Variants in BIN1 observed in about 807,000 individuals in gnomAD.
BIN1 encodes the protein myc box-dependent-interacting protein 1.
BIN1 carries 53 observed loss-of-function variants against 82.0 expected under a neutral mutation model. The ratio of observed to expected loss-of-function variants is 0.65; its 90% CI spans 0.52 to 0.81. The LOEUF (loss-of-function observed/expected upper bound fraction) is 0.81, where lower values mean the gene tolerates loss of function less well. BIN1 is among the 40% of genes least tolerant of loss of function. BIN1 has a pLI of 0.00. For synonymous variants in BIN1, 302 were observed against 328.0 expected (o/e 0.92, Z 0.86); for missense variants, 642 against 784.4 (o/e 0.82, Z 2.17).
intron 2 of BIN1, among the ~76,000 whole-genome samples, chr2:127,075,583 G>A (rs1436623506): frequency 1.3e-5 from 2 of 152,098 alleles, no homozygotes; most frequent in Non-Finnish European, 2.9e-5. Flanking sequence ...CCCTGTCCAG[G>A]GAAGCCTGTC....
intron 12 of BIN1, chr2:127,054,447 C>G (rs1438998738): frequency 8.3e-6 from 2 of 242,394 alleles, no homozygotes; most frequent in Non-Finnish European, 1.6e-5. Flanking sequence ...TGCTACCCCC[C>G]AGTGGCGAGA....
chr2:127,085,592 G>C (rs1183039266), intron 1 of BIN1, among the ~76,000 whole-genome samples: 1 of 152,146 alleles, frequency 6.6e-6, no homozygotes, highest in Non-Finnish European at 1.5e-5. Flanking sequence ...GGGAGGCCCG[G>C]GGAGAGCCCA....
Position 127,057,563 on chromosome 2 carries a change from G to T in BIN1, c.1041C>A (p.His347Gln). 6.5e-7 allele frequency: 1 copy of T among 1,542,526 alleles called. No homozygotes were observed. Residue 347 changes from histidine (H) to glutamine (Q), a missense_variant, in exon 12 of 19, where the codon CAC becomes CAA. Physicochemically the swap from His to Gln is conservative, Grantham distance 24. Transcript: ENST00000316724. The surrounding 1 kb of genome is among the most constrained non-coding windows in gnomAD (Gnocchi z 5.0). ...KGPPVPPPPK[H>Q]TPSKEVKQEQ... is the part of the protein sequence containing the mutation. Reference sequence around the variant, plus strand: ...CCTGCTTGACTTCCTTGGACGGGGTGTGTTTGGGAGGCGGAGGGACTGGTG... The same window carrying T: ...CCTGCTTGACTTCCTTGGACGGGGTTTGTTTGGGAGGCGGAGGGACTGGTG...
chr2:127,051,143 T>C lies in BIN1; in HGVS notation c.1461+11A>G. On this transcript the variant is annotated intron_variant, in intron 16 of 18. Transcript: ENST00000316724. ...GGAGGAAAAGGCAGGGCTTTGTCCC[T>C]GCTGTCTTACGGAGGCTGCTTCACT... is the stretch of plus-strand genomic sequence containing the variant. 1 of 1,613,372 alleles carries C rather than the reference T, an allele frequency of 6.2e-7. No homozygotes were observed. Among genetic ancestry groups the C allele is most frequent in the Non-Finnish European group, 8.5e-7 (1 of 1,179,868 alleles).
At chr2:127,075,719 CG>C in intron 2 of BIN1, among the ~76,000 whole-genome samples, 1 of 145,484 alleles carries the variant, frequency 6.9e-6, no homozygotes, top group African/African-American at 2.6e-5. Context: ...GAATGCTCCC[CG>C]GCCCTCTCCC....
rs562898758 is a variant in BIN1, at chr2:127,097,885, C to G, written c.84+8975G>C. On this transcript the variant is annotated intron_variant, in intron 1 of 18. Transcript: ENST00000316724. ...TGACAAGCACTGTTCCCGCTGCCATCCAAGCATCTCTCCCCACACTACCAC... is the reference window on the plus strand; with the variant it reads ...TGACAAGCACTGTTCCCGCTGCCATGCAAGCATCTCTCCCCACACTACCAC... 5.9e-5 allele frequency among the ~76,000 whole-genome samples: 9 copies of G among 152,342 alleles called. No homozygotes were observed. The South Asian group carries it at 1.5e-3, about 25-fold the overall frequency.
chr2:127,107,101 G>T lies in BIN1; in HGVS notation c.-158C>A. 2.6e-6 allele frequency: 2 copies of T among 766,760 alleles called. No homozygotes were observed. Among genetic ancestry groups the T allele is most frequent in the South Asian group, 7.4e-5 (2 of 27,172 alleles). The allele number at this position is 766,760 out of a possible 1,614,324, so 47.5% of individuals were successfully genotyped here. A position where few individuals can be genotyped will look rare whatever the true frequency, so the allele number is the denominator to read the frequency against. ...GCCAACTGACGGAGGCGGAGCGTGC[G>T]CCGGACGGGCGAGCGAGCCAGCGAG... On this transcript the variant is annotated 5_prime_UTR_variant, in exon 1 of 19. Coordinates refer to ENST00000316724, the MANE Select transcript of BIN1 (RefSeq NM_139343.3). The surrounding 1 kb of genome is among the most constrained non-coding windows in gnomAD (Gnocchi z 5.9).
At chr2:127,106,261 G>C (rs1338404005) in intron 1 of BIN1, among the ~76,000 whole-genome samples, 2 of 152,208 alleles carry the variant, frequency 1.3e-5, no homozygotes, top group Non-Finnish European at 2.9e-5. Context: ...CGGGCTGGGC[G>C]GGAGCTTCCA....
intron 2 of BIN1, among the ~76,000 whole-genome samples, chr2:127,072,643 A>C (rs17014873): frequency 0.11 from 16,801 of 151,746 alleles, 1,505 homozygotes; most frequent in African/African-American, 0.24. Context: ...AATCTCTAAA[A>C]TTCCTTTAAT....
chr2:127,069,078 T>C, intron 5 of BIN1, 47 bp from the exon 6 acceptor site: 1 of 1,568,168 alleles, frequency 6.4e-7, no homozygotes, highest in Non-Finnish European at 8.8e-7. Context: ...GCACCCCTGC[T>C]GAGACTCCAG....
At chr2:127,091,274 G>C (rs1678889620) in intron 1 of BIN1, among the ~76,000 whole-genome samples, 1 of 151,978 alleles carries the variant, frequency 6.6e-6, no homozygotes, top group Non-Finnish European at 1.5e-5. Flanking sequence ...CCCAGCCCCG[G>C]GGCATTCTCA....
intron 14 of BIN1, 113 bp downstream of exon 14, chr2:127,053,308 TG>T (rs549145076): frequency 7.5e-5 from 108 of 1,446,478 alleles, no homozygotes; most frequent in Non-Finnish European, 9.9e-5. Flanking sequence ...GTCCTGCGTG[TG>T]GGGGGTGTGT....
At chr2:127,092,654 C>T (rs1679082721) in intron 1 of BIN1, among the ~76,000 whole-genome samples, 1 of 152,210 alleles carries the variant, frequency 6.6e-6, no homozygotes, top group South Asian at 2.1e-4. Context: ...AAGTCACCAG[C>T]CTTCCAGAGG....
rs1478204900 is a variant in BIN1 at position 127,097,317 on chromosome 2, TCCCTCCAGGCCCAGGAGCGTCAC to T, written c.84+9520_84+9542del. On this transcript the variant is annotated intron_variant, in intron 1 of 18. Transcript: ENST00000316724. ...CAGCCCTCCAGGCCCAGCAGTGTCA[TCCCTCCAGGCCCAGGAGCGTCAC>T]CCCTCCAGGCCCAGCAGCGTCACTC... Among the ~76,000 whole-genome samples, 792 of 141,768 alleles carry T rather than the reference TCCCTCCAGGCCCAGGAGCGTCAC, an allele frequency of 5.6e-3. 2 individuals are homozygous for T. The highest frequency in any genetic ancestry group is 8.7e-3 in the Non-Finnish European group (560 of 64,216). The allele number at this position is 141,768 out of a possible 152,430, so 93.0% of individuals were successfully genotyped here.
Position 127,076,183 on chromosome 2 carries a change from A to G in BIN1, c.165+443T>C, listed in dbSNP as rs571757199. ...GATGCCTCCCCACAGCCCAGCCTTG[A>G]GCCTGCCACACAGCCAGGCACACAC... On this transcript the variant is annotated intron_variant, in intron 2 of 18. Coordinates refer to ENST00000316724, the MANE Select transcript of BIN1 (RefSeq NM_139343.3). 6.6e-5 allele frequency among the ~76,000 whole-genome samples: 10 copies of G among 152,218 alleles called. No individual in the cohort carries two copies. The East Asian group carries it at 1.9e-3, about 29-fold the overall frequency.
intron 7 of BIN1, among the ~76,000 whole-genome samples, chr2:127,066,042 GCTCAGAACTAGC>G (rs530826833): frequency 1.8e-3 from 277 of 152,306 alleles, no homozygotes; most frequent in Middle Eastern, 3.4e-3. Context: ...GTGGAGAGCA[GCTCAGAACTAGC>G]CCAGGGTCTG....
chr2:127,049,949 G>A (rs559902691), intron 18 of BIN1, among the ~76,000 whole-genome samples: 97 of 152,358 alleles, frequency 6.4e-4, no homozygotes, highest in African/African-American at 2.3e-3. Flanking sequence ...CACAGGGCAG[G>A]GCCCGCCTCG....
rs945053121 is a variant in BIN1, at chr2:127,057,735, C to T, written c.1003-134G>A. On this transcript the variant is annotated intron_variant, in intron 11 of 18. Coordinates refer to ENST00000316724, the MANE Select transcript of BIN1 (RefSeq NM_139343.3). This position sits in a 1 kb window ranked among gnomAD's most constrained non-coding sequence, Gnocchi z 5.0. The stretch of plus-strand genomic sequence containing the variant: ...GTCCCACCCAGGCCACTGAGCAGGA[C>T]GCAGCAAATGAAGAGTCACTGCCCT... 2.4e-5 allele frequency: 28 copies of T among 1,171,782 alleles called. No individual in the cohort carries two copies. Among genetic ancestry groups the T allele is most frequent in the South Asian group, 1.3e-4 (6 of 45,520 alleles). The allele number at this position is 1,171,782 out of a possible 1,614,324, so 72.6% of individuals were successfully genotyped here.
chr2:127,069,731 AAC>A (rs3832046), intron 5 of BIN1, among the ~76,000 whole-genome samples: 2,713 of 147,330 alleles, frequency 0.018, 24 homozygotes, highest in African/African-American at 0.026. Flanking sequence ...ACTCCGCAGC[AAC>A]ACACACACAC....
Sources: gnomAD v4.1 joint callset for allele counts (sites outside exome capture counted in the v4.1 genomes callset) on GRCh38, gnomAD v4.1.1 for gene constraint, Gnocchi (gnomAD v3.1) non-coding constraint, MANE v1.5 for transcripts, NCBI Gene and HGNC (gene_info 2026-07-23, HGNC 2026-07-21) for gene names.